MCF2L2: variants seen among roughly 807,000 people sequenced by gnomAD.
MCF2L2 encodes the protein probable guanine nucleotide exchange factor MCF2L2.
MCF2L2 carries 102 observed loss-of-function variants against 150.2 expected under a neutral mutation model. That is an observed-to-expected ratio of 0.68 (90% confidence interval 0.58 to 0.80). The LOEUF (loss-of-function observed/expected upper bound fraction) is 0.80, where lower values mean the gene tolerates loss of function less well. Ranked by LOEUF, MCF2L2 falls within the 30% of genes least tolerant of loss-of-function variation. The pLI, the probability that MCF2L2 is intolerant of heterozygous loss-of-function variation, is 0.00. For missense variants in MCF2L2, 1,256 were observed against 1,372.8 expected (o/e 0.91, Z 1.34); for synonymous variants, 465 against 491.3 (o/e 0.95, Z 0.71).
At chr3:183,380,200 C>T (rs1458605245) in intron 2 of MCF2L2, among the ~76,000 whole-genome samples, 2 of 152,082 alleles carry the variant, frequency 1.3e-5, no homozygotes, top group African/African-American at 2.4e-5. Context: ...TTCCCAGTCC[C>T]CTTGCAGCTG....
In MCF2L2 at chr3:183,266,559, G is replaced by A. The variant is rs869613; in HGVS notation, c.1862+10313C>T. On this transcript the variant is annotated intron_variant, in intron 15 of 29. Coordinates refer to ENST00000328913, the MANE Select transcript of MCF2L2 (RefSeq NM_015078.4). ...AGGGCCCTTGTTTTGGGGCTTCAGAGGATGGTTGTTATCTGGATGAGCACT... is the reference window on the plus strand; with the variant it reads ...AGGGCCCTTGTTTTGGGGCTTCAGAAGATGGTTGTTATCTGGATGAGCACT... Among the ~76,000 whole-genome samples the A allele has an allele frequency of 3.7e-3, 570 of 152,330 alleles. 5 individuals are homozygous for A. Among genetic ancestry groups the A allele is most frequent in the African/African-American group, 0.013 (548 of 41,556 alleles).
intron 1 of MCF2L2, among the ~76,000 whole-genome samples, chr3:183,421,469 G>A (rs200863599): frequency 5.1e-4 from 78 of 152,044 alleles, no homozygotes; most frequent in African/African-American, 1.5e-3. Flanking sequence ...ACTTATTTTC[G>A]TTTTTTATAG....
rs143983760 is a variant in MCF2L2, at chr3:183,222,507, G to A, written c.2301+839C>T. On this transcript the variant is annotated intron_variant, in intron 20 of 29. Transcript: ENST00000328913. The stretch of plus-strand genomic sequence containing the variant: ...AGAGGTTGCAGTGAACTGAGATCGC[G>A]CCATTGCACTCCAGCCTAGGCAGAG... Among the ~76,000 whole-genome samples the A allele has an allele frequency of 4.0e-3, 614 of 152,014 alleles. 3 individuals carry two copies. Among genetic ancestry groups the A allele is most frequent in the African/African-American group, 0.014 (560 of 41,476 alleles).
intron 19 of MCF2L2, 130 bp from the exon 20 acceptor site, chr3:183,223,568 CATAAGG>C: frequency 1.5e-6 from 1 of 664,058 alleles, no homozygotes; most frequent in Non-Finnish European, 2.7e-6. Flanking sequence ...CGAGCAGCTC[CATAAGG>C]CTGTGGGGTT....
chr3:183,384,082 C>T (rs1290580008), intron 2 of MCF2L2, among the ~76,000 whole-genome samples: 1 of 152,174 alleles, frequency 6.6e-6, no homozygotes, highest in East Asian at 1.9e-4. Flanking sequence ...GTCTGCTGAC[C>T]AGGAACATAC....
chr3:183,263,944 T>TA (rs1725856799), intron 15 of MCF2L2, among the ~76,000 whole-genome samples: 1 of 152,120 alleles, frequency 6.6e-6, no homozygotes, highest in Non-Finnish European at 1.5e-5. Context: ...CACCCTCGAC[T>TA]AGGCCTTCCT....
At chr3:183,418,013 C>A (rs1037471826) in intron 1 of MCF2L2, among the ~76,000 whole-genome samples, 1 of 152,128 alleles carries the variant, frequency 6.6e-6, no homozygotes, top group Non-Finnish European at 1.5e-5. Flanking sequence ...CATGGCAAAA[C>A]CCCATCTCTA....
At chr3:183,279,196 T>C (rs1198862184) in intron 14 of MCF2L2, among the ~76,000 whole-genome samples, 1 of 152,082 alleles carries the variant, frequency 6.6e-6, no homozygotes, top group Non-Finnish European at 1.5e-5. Flanking sequence ...CATTTTTTCA[T>C]TTACATCGTA....
intron 22 of MCF2L2, among the ~76,000 whole-genome samples, chr3:183,209,909 C>T (rs1055536341): frequency 1.3e-5 from 2 of 151,608 alleles, no homozygotes; most frequent in African/African-American, 4.9e-5. Context: ...TAACTCAGTA[C>T]GTATGCAAAT....
intron 3 of MCF2L2, among the ~76,000 whole-genome samples, chr3:183,358,145 T>G (rs2136236): frequency 0.41 from 61,748 of 151,672 alleles, 14,099 homozygotes; most frequent in African/African-American, 0.62. Flanking sequence ...CAAAAAATTA[T>G]CTGGGCATGA....
At chr3:183,301,987 T>C (rs1247719787) in intron 10 of MCF2L2, among the ~76,000 whole-genome samples, 1 of 152,092 alleles carries the variant, frequency 6.6e-6, no homozygotes, top group African/African-American at 2.4e-5. Flanking sequence ...ATTACTTGCT[T>C]TTTCTTCTGG....
chr3:183,370,027 A>G (rs1013678869), intron 3 of MCF2L2, among the ~76,000 whole-genome samples: 2 of 152,234 alleles, frequency 1.3e-5, no homozygotes, highest in African/African-American at 4.8e-5. Context: ...TTGTTATGGT[A>G]TGTGGCTATC....
intron 1 of MCF2L2, among the ~76,000 whole-genome samples, chr3:183,423,872 T>A (rs987106710): frequency 6.6e-6 from 1 of 152,086 alleles, no homozygotes; most frequent in African/African-American, 2.4e-5. Context: ...TCTGCCTGCC[T>A]CGGCCTCCCA....
rs185130945 is a variant in MCF2L2 at position 183,214,152 on chromosome 3, C to T, written c.2496+1817G>A. Among the ~76,000 whole-genome samples, 3 of 152,248 alleles carry T rather than the reference C, an allele frequency of 2.0e-5. No homozygotes were observed. In the East Asian group the frequency reaches 5.8e-4, roughly 29 times the overall value. On this transcript the variant is annotated intron_variant, in intron 22 of 29. Coordinates refer to ENST00000328913, the MANE Select transcript of MCF2L2 (RefSeq NM_015078.4). The stretch of plus-strand genomic sequence containing the variant: ...CCTGCCCTGTGTATTGTTTCCAGGA[C>T]ATTCATTAGATTCAGGGAAATGAAA...
intron 5 of MCF2L2, among the ~76,000 whole-genome samples, chr3:183,333,701 T>C (rs555567684): frequency 1.3e-5 from 2 of 152,310 alleles, no homozygotes; most frequent in East Asian, 3.9e-4. Context: ...TTGTGATTTC[T>C]AGGATATTTG....
chr3:183,353,169 A>C (rs1003954272), intron 3 of MCF2L2, among the ~76,000 whole-genome samples: 1 of 152,202 alleles, frequency 6.6e-6, no homozygotes, highest in African/African-American at 2.4e-5. Flanking sequence ...ATTAAAAAAA[A>C]CCCAAAGCCT....
intron 3 of MCF2L2, among the ~76,000 whole-genome samples, chr3:183,347,518 C>G (rs1255785405): frequency 6.6e-6 from 1 of 152,124 alleles, no homozygotes; most frequent in Non-Finnish European, 1.5e-5. Flanking sequence ...GACTAAAATA[C>G]CAAAAGCAAT....
In MCF2L2 at chr3:183,427,949, G is replaced by A. The variant is rs1164838088; in HGVS notation, c.29C>T (p.Pro10Leu). MLSCLKEEM[P>L]PQELTRRLAT... is the part of the protein sequence containing the mutation. ...CAGTCGCCGGGTGAGCTCCTGGGGAGGCATCTCTTCTTTTAAGCAAGACAG... is the reference window on the plus strand; with the variant it reads ...CAGTCGCCGGGTGAGCTCCTGGGGAAGCATCTCTTCTTTTAAGCAAGACAG... Residue 10 changes from proline to leucine, a missense_variant, in exon 1 of 30, where the codon CCT becomes CTT. Physicochemically the swap from Pro to Leu is moderately conservative, Grantham distance 98. Coordinates refer to ENST00000328913, the MANE Select transcript of MCF2L2 (RefSeq NM_015078.4). 6.2e-7 allele frequency: 1 copy of A among 1,613,806 alleles called. No individual in the cohort carries two copies. Among genetic ancestry groups the A allele is most frequent in the East Asian group, 2.2e-5 (1 of 44,848 alleles).
chr3:183,185,332 T>C (rs1179975520), intron 27 of MCF2L2, among the ~76,000 whole-genome samples: 1 of 152,252 alleles, frequency 6.6e-6, no homozygotes, highest in Non-Finnish European at 1.5e-5. Flanking sequence ...CCCCCTGGGC[T>C]TTCCTTCCTT....
Sources: gnomAD v4.1 joint callset for allele counts (sites outside exome capture counted in the v4.1 genomes callset) on GRCh38, gnomAD v4.1.1 for gene constraint, MANE v1.5 for transcripts, NCBI Gene and HGNC (gene_info 2026-07-23, HGNC 2026-07-21) for gene names.